The following ZNF280A variants were observed in gnomAD, a reference collection of about 807,000 sequenced individuals.
ZNF280A encodes suppressor of hairy wing homolog 1.
A neutral mutation model predicts 35.9 loss-of-function variants in ZNF280A; 26 were observed. That is an observed-to-expected ratio of 0.72 (90% CI 0.53 to 1.01). The LOEUF is 1.01. Ranked by LOEUF, ZNF280A falls within the 50% of genes least tolerant of loss-of-function variation. The pLI, the probability that ZNF280A is intolerant of heterozygous loss-of-function variation, is 0.00. For missense variants in ZNF280A, 654 were observed against 652.0 expected (o/e 1.00, Z -0.03); for synonymous variants, 231 against 232.9 (o/e 0.99, Z 0.07).
Position 22,514,861 on chromosome 22 carries a change from C to T in ZNF280A, c.770G>A (p.Ser257Asn), listed in dbSNP as rs969476401. The change falls in exon 2 of 2, where the codon AGT becomes AAT. Residue 257 changes from serine (S) to asparagine (N), a missense_variant. Physicochemically the swap from Ser to Asn is conservative, Grantham distance 46 (BLOSUM62 1). Coordinates refer to ENST00000302097, the MANE Select transcript of ZNF280A (RefSeq NM_080740.5). ...AAAGGTCTTGTTTTGACTTGCTAGA[C>T]TTGAAATGTCTGTCATTGCCAGGGC... ...ESALAMTDISSLASQNKTFDP... is the reference protein window; with the variant it reads ...ESALAMTDISNLASQNKTFDP... 1.9e-6 allele frequency: 3 copies of T among 1,613,732 alleles called. No homozygotes were observed. The African/African-American group carries it at 4.0e-5, about 22-fold the overall frequency.
At chr22:22,515,989 C>T (rs1009362816) in intron 1 of ZNF280A, among the ~76,000 whole-genome samples, 1 of 152,006 alleles carries the variant, frequency 6.6e-6, no homozygotes, top group African/African-American at 2.4e-5. Context: ...TCACTCACCT[C>T]CTCCTCATCC....
In ZNF280A at chr22:22,513,814, C is replaced by T; in HGVS notation, c.*188G>A. ...AGAATAAGGGATGCCCTGTTGGGAG[C>T]ATTTGACTGGGAAAGGGCTCAAAGA... On this transcript the variant is annotated 3_prime_UTR_variant, in exon 2 of 2. Transcript: ENST00000302097. The T allele has an allele frequency of 1.9e-6, 1 of 540,028 alleles. No homozygotes were observed. Among genetic ancestry groups the T allele is most frequent in the South Asian group, 3.0e-5 (1 of 33,544 alleles). 33.5% of individuals were successfully genotyped at this position (540,028 alleles called of 1,614,324 possible).
rs2062042576 is a variant in ZNF280A, at chr22:22,514,299, C to T, written c.1332G>A (p.Arg444=). ...TAIPYMNHCW[R]HSRRRVLQCS... Reference sequence around the variant, plus strand: ...ACTGAAGGACCCTCCTTCTGCTGTGCCTCCAACAATGATTCATGTATGGTA... The same window carrying T: ...ACTGAAGGACCCTCCTTCTGCTGTGTCTCCAACAATGATTCATGTATGGTA... The change falls in exon 2 of 2, where the codon AGG becomes AGA. Residue 444 remains arginine (R), a synonymous_variant. Transcript: ENST00000302097. The T allele has an allele frequency of 6.2e-7, 1 of 1,613,814 alleles. No individual in the cohort carries two copies. Among genetic ancestry groups the T allele is most frequent in the African/African-American group, 1.3e-5 (1 of 74,870 alleles).
chr22:22,517,597 G>A (rs1457314746), intron 1 of ZNF280A, among the ~76,000 whole-genome samples: 1 of 151,800 alleles, frequency 6.6e-6, no homozygotes, highest in Non-Finnish European at 1.5e-5. Context: ...CAAGGGATAG[G>A]CTCTGATACC....
chr22:22,514,090 T>G lies in ZNF280A; in HGVS notation c.1541A>C (p.Asp514Ala), dbSNP rs1456326857. 6.8e-6 allele frequency: 11 copies of G among 1,613,714 alleles called. No individual in the cohort carries two copies. Among genetic ancestry groups the G allele is most frequent in the East Asian group, 2.2e-5 (1 of 44,812 alleles). Residue 514 changes from aspartate (D) to alanine (A), a missense_variant, in exon 2 of 2, where the codon GAC becomes GCC. By Grantham distance (126) the Asp-to-Ala change is moderately radical. Transcript: ENST00000302097. ...AGTTTTTACAGGAGAAGACTGAGGG[T>G]CAGTGTTGCTAACAATAACGGAAGC... ...GMASVIVSNTDPQSSPVKTKK... is the reference protein window; with the variant it reads ...GMASVIVSNTAPQSSPVKTKK...
intron 1 of ZNF280A, 143 bp downstream of exon 1, chr22:22,519,946 T>A (rs9611972): frequency 0.97 from 148,166 of 152,180 alleles, 72,154 homozygotes; most frequent in Middle Eastern, 1. Context: ...CAGAAAGGAA[T>A]ACCCTGGATA....
Position 22,514,142 on chromosome 22 carries a change from A to G in ZNF280A, c.1489T>C (p.Ser497Pro), listed in dbSNP as rs780590287. Residue 497 changes from serine (S) to proline (P), a missense_variant, in exon 2 of 2, where the codon TCA (serine) becomes CCA (proline). Physicochemically the swap from Ser to Pro is moderately conservative, Grantham distance 74. Transcript: ENST00000302097. Reference sequence around the variant, plus strand: ...ATACCACTTGATCCTGGCTGAACTGAAGTTTGAATAATAACTTTTGTTTCA... The same window carrying G: ...ATACCACTTGATCCTGGCTGAACTGGAGTTTGAATAATAACTTTTGTTTCA... ...PSETKVIIQT[S>P]VQPGSSGMAS... 8 of 1,613,892 alleles carry G rather than the reference A, an allele frequency of 5.0e-6. No individual in the cohort carries two copies. The highest frequency in any genetic ancestry group is 6.8e-6 in the Non-Finnish European group (8 of 1,179,974).
At position 22,514,381 on chromosome 22, in the gene ZNF280A, T is replaced by C; in HGVS notation, c.1250A>G (p.His417Arg). The C allele has an allele frequency of 1.9e-6, 3 of 1,613,930 alleles. No individual in the cohort carries two copies. The highest frequency in any genetic ancestry group is 2.5e-6 in the Non-Finnish European group (3 of 1,179,974). Reference protein sequence around the residue: ...ADVETHFRTCHENTKNLLCLF... With the variant: ...ADVETHFRTCRENTKNLLCLF... ...ACAAAGCAAATTCTTTGTGTTTTCA[T>C]GGCACGTTCTAAAATGTGTTTCCAC... Residue 417 changes from histidine to arginine, a missense_variant, in exon 2 of 2, where the codon CAT becomes CGT. Transcript: ENST00000302097.
chr22:22,514,303 C>A lies in ZNF280A; in HGVS notation c.1328G>T (p.Trp443Leu). ...KTAIPYMNHC[W>L]RHSRRRVLQC... ...AAGGACCCTCCTTCTGCTGTGCCTC[C>A]AACAATGATTCATGTATGGTATTGC... The change falls in exon 2 of 2, where the codon TGG becomes TTG. Residue 443 changes from tryptophan (W) to leucine (L), a missense_variant. Transcript: ENST00000302097. 1 of 1,613,932 alleles carries A rather than the reference C, an allele frequency of 6.2e-7. No individual in the cohort carries two copies. Among genetic ancestry groups the A allele is most frequent in the African/African-American group, 1.3e-5 (1 of 74,986 alleles).
Position 22,514,740 on chromosome 22 carries a change from G to T in ZNF280A, c.891C>A (p.Thr297=). Residue 297 remains threonine (T), a synonymous_variant, in exon 2 of 2, where the codon ACC becomes ACA. Transcript: ENST00000302097. ...DGQPEQKTHT[T]FKCLSCVKVL... ...CTTTCACGCAGCTGAGGCATTTAAA[G>T]GTGGTGTGAGTCTTCTGTTCCGGCT... 6.2e-7 allele frequency: 1 copy of T among 1,613,912 alleles called. No individual in the cohort carries two copies. The highest frequency in any genetic ancestry group is 8.5e-7 in the Non-Finnish European group (1 of 1,179,978).
At chr22:22,517,753 A>G (rs1254285470) in intron 1 of ZNF280A, among the ~76,000 whole-genome samples, 1 of 151,756 alleles carries the variant, frequency 6.6e-6, no homozygotes, top group Non-Finnish European at 1.5e-5. Context: ...TTTATTTCAT[A>G]GTGGAATCAA....
Position 22,514,250 on chromosome 22 carries a change from A to G in ZNF280A, c.1381T>C (p.Leu461=), listed in dbSNP as rs200817361. The G allele has an allele frequency of 2.6e-4, 425 of 1,613,840 alleles. 3 individuals carry two copies. The East Asian group carries it at 7.7e-3, about 29-fold the overall frequency. The stretch of plus-strand genomic sequence containing the variant: ...TGCTCTATTTCCTCCTTCAACGTCA[A>G]AAACTGTAGCCGGCACTTGGAACAC... ...LQCSKCRLQF[L]TLKEEIEHKT... The change falls in exon 2 of 2, where the codon TTG becomes CTG. Residue 461 remains leucine, a synonymous_variant. Transcript: ENST00000302097.
intron 1 of ZNF280A, among the ~76,000 whole-genome samples, chr22:22,517,913 A>C (rs1201789501): frequency 6.8e-6 from 1 of 146,856 alleles, no homozygotes; most frequent in Non-Finnish European, 1.5e-5. Flanking sequence ...TATCTTTTAT[A>C]ATTGATGGCA....
At chr22:22,516,206 A>C (rs2062067337) in intron 1 of ZNF280A, among the ~76,000 whole-genome samples, 1 of 151,742 alleles carries the variant, frequency 6.6e-6, no homozygotes, top group Non-Finnish European at 1.5e-5. Flanking sequence ...ACTTGAGCCC[A>C]GGACTTCAAA....
rs570770643 is a variant in ZNF280A at position 22,513,971 on chromosome 22, C to T, written c.*31G>A. 1.0e-5 allele frequency: 13 copies of T among 1,278,434 alleles called. No individual in the cohort carries two copies. Among genetic ancestry groups the T allele is most frequent in the South Asian group, 5.4e-5 (4 of 73,652 alleles). The allele number at this position is 1,278,434 out of a possible 1,614,324, so 79.2% of individuals were successfully genotyped here. A position where few individuals can be genotyped will look rare whatever the true frequency, so the allele number is the denominator to read the frequency against. Reference sequence around the variant, plus strand: ...ATGGCCTAGCCTCACTTCTGCCTTTCGGAACTCCTGGAAGTCAGTCGAACA... The same window carrying T: ...ATGGCCTAGCCTCACTTCTGCCTTTTGGAACTCCTGGAAGTCAGTCGAACA... On this transcript the variant is annotated 3_prime_UTR_variant, in exon 2 of 2. Coordinates refer to ENST00000302097, the MANE Select transcript of ZNF280A (RefSeq NM_080740.5).
chr22:22,514,574 T>A lies in ZNF280A; in HGVS notation c.1057A>T (p.Ile353Phe). 3.1e-6 allele frequency: 5 copies of A among 1,613,938 alleles called. No individual in the cohort carries two copies. Among genetic ancestry groups the A allele is most frequent in the Middle Eastern group, 1.7e-4 (1 of 6,054 alleles). ...FPTPFQLQCH[I>F]DSVHIAMGPS... The stretch of plus-strand genomic sequence containing the variant: ...CCCATGGCGATGTGTACACTATCAA[T>A]GTGACACTGTAGCTGGAAGGGAGTG... The change falls in exon 2 of 2, where the codon ATT becomes TTT. Residue 353 changes from isoleucine to phenylalanine, a missense_variant. Transcript: ENST00000302097.
chr22:22,514,785 T>C lies in ZNF280A; in HGVS notation c.846A>G (p.Gly282=). 1 of 1,613,932 alleles carries C rather than the reference T, an allele frequency of 6.2e-7. No individual in the cohort carries two copies. The highest frequency in any genetic ancestry group is 8.5e-7 in the Non-Finnish European group (1 of 1,179,980). Reference sequence around the variant, plus strand: ...CCGGCTGCCCATCTCCTTTATGCTGTCCATAGTAAAAGTCGCTAAGTAACA... The same window carrying C: ...CCGGCTGCCCATCTCCTTTATGCTGCCCATAGTAAAAGTCGCTAAGTAACA... ...PIVLLSDFYY[G]QHKGDGQPEQ... Residue 282 remains glycine, a synonymous_variant, in exon 2 of 2, where the codon GGA becomes GGG. Coordinates refer to ENST00000302097, the MANE Select transcript of ZNF280A (RefSeq NM_080740.5).
chr22:22,515,743 A>G (rs892624740), intron 1 of ZNF280A, 42 bp from the exon 2 acceptor site: 14 of 1,464,746 alleles, frequency 9.6e-6, no homozygotes, highest in Middle Eastern at 4.5e-4. Context: ...TTATTTCGAA[A>G]GACAAAATCA....
chr22:22,515,221 G>A lies in ZNF280A; in HGVS notation c.410C>T (p.Ser137Phe). The A allele has an allele frequency of 1.2e-6, 2 of 1,612,998 alleles. No individual in the cohort carries two copies. The highest frequency in any genetic ancestry group is 8.5e-7 in the Non-Finnish European group (1 of 1,179,724). ...MSSPQVVSPS[S>F]SDSLPPGTQC... The stretch of plus-strand genomic sequence containing the variant: ...AGTCCCTGGGGGGAGCGAGTCTGAG[G>A]AACTGGGAGAAACAACTTGTGGTGA... Residue 137 changes from serine (S) to phenylalanine (F), a missense_variant, in exon 2 of 2, where the codon TCC becomes TTC. Ser to Phe is a radical substitution (Grantham distance 155). Coordinates refer to ENST00000302097, the MANE Select transcript of ZNF280A (RefSeq NM_080740.5).
Sources: gnomAD v4.1 joint callset for allele counts (sites outside exome capture counted in the v4.1 genomes callset) on GRCh38, gnomAD v4.1.1 for gene constraint, MANE v1.5 for transcripts, NCBI Gene and HGNC (gene_info 2026-07-23, HGNC 2026-07-21) for gene names.